RIC1: variants seen among roughly 807,000 people sequenced by gnomAD.
The protein encoded by RIC1 is guanine nucleotide exchange factor subunit RIC1.
In RIC1, 88 loss-of-function variants were observed where a neutral mutation model predicts 169.0. The observed-to-expected ratio is 0.52, with a 90% CI of 0.44 to 0.62. RIC1 has a LOEUF of 0.62. Ranked by LOEUF, RIC1 falls within the 20% of genes least tolerant of loss-of-function variation. The pLI, the probability that RIC1 is intolerant of heterozygous loss-of-function variation, is 0.00. For missense variants in RIC1, 1,877 were observed against 1,725.5 expected, an observed-to-expected ratio of 1.09 and a Z score of -1.56; for synonymous variants, 790 against 601.5, an observed-to-expected ratio of 1.31 and a Z score of -4.59.
intron 3 of RIC1, among the ~76,000 whole-genome samples, chr9:5,699,788 T>C (rs955763630): frequency 1.3e-5 from 2 of 152,180 alleles, no homozygotes; most frequent in East Asian, 3.8e-4. Flanking sequence ...AATTATATTA[T>C]TGGATTTCAT....
intron 16 of RIC1, 108 bp downstream of exon 16, chr9:5,756,480 G>T: frequency 1.4e-6 from 1 of 705,134 alleles, no homozygotes; most frequent in South Asian, 5.4e-5. Context: ...ATTCAATCTT[G>T]TTTTTGTTAG....
chr9:5,645,008 T>C (rs1453426023), intron 1 of RIC1, among the ~76,000 whole-genome samples: 1 of 152,372 alleles, frequency 6.6e-6, no homozygotes, highest in East Asian at 1.9e-4. Context: ...GCTTATTAGC[T>C]ATTTATATAT....
At chr9:5,694,317 A>G (rs1821764427) in intron 3 of RIC1, among the ~76,000 whole-genome samples, 1 of 152,180 alleles carries the variant, frequency 6.6e-6, no homozygotes, top group Non-Finnish European at 1.5e-5. Context: ...TCTTTTTGCT[A>G]ATATGTTGTG....
chr9:5,705,498 C>T (rs77003430), intron 3 of RIC1, among the ~76,000 whole-genome samples: 4,686 of 152,158 alleles, frequency 0.031, 104 homozygotes, highest in Middle Eastern at 0.1. Flanking sequence ...TGTACTACAG[C>T]TTTGATGAAT....
At chr9:5,776,798 G>A (rs1827614017), downstream of RIC1, among the ~76,000 whole-genome samples, 1 of 151,744 alleles carries the variant, frequency 6.6e-6, no homozygotes, top group East Asian at 1.9e-4. Flanking sequence ...ATATAATGAA[G>A]GAATGACAGA....
chr9:5,722,474 A>T (rs1418563092), intron 6 of RIC1, among the ~76,000 whole-genome samples: 1 of 151,958 alleles, frequency 6.6e-6, no homozygotes, highest in Non-Finnish European at 1.5e-5. Context: ...ATTTCTTCAC[A>T]TAAACTTTTC....
chr9:5,665,682 C>G (rs1819711319), intron 2 of RIC1, among the ~76,000 whole-genome samples: 2 of 152,150 alleles, frequency 1.3e-5, no homozygotes, highest in Admixed American at 1.3e-4. Context: ...TAACAGGCCA[C>G]TCTTCCATAG....
intron 2 of RIC1, among the ~76,000 whole-genome samples, chr9:5,658,064 A>G (rs896603483): frequency 7.2e-5 from 11 of 152,142 alleles, no homozygotes; most frequent in African/African-American, 2.7e-4. Flanking sequence ...GTAGTAACAC[A>G]GTTGTAACTT....
intron 3 of RIC1, among the ~76,000 whole-genome samples, chr9:5,709,637 A>G (rs913931913): frequency 6.6e-6 from 1 of 152,194 alleles, no homozygotes; most frequent in Non-Finnish European, 1.5e-5. Context: ...GCTTCAACTT[A>G]TTCTTCTAGC....
chr9:5,720,851 A>T (rs1487809910), intron 6 of RIC1, 101 bp downstream of exon 6: 2 of 1,100,636 alleles, frequency 1.8e-6, no homozygotes, highest in Non-Finnish European at 2.5e-6. Flanking sequence ...TAAGATTTTA[A>T]GGGTTGTTAA....
Position 5,715,680 on chromosome 9 carries a change from T to G in RIC1, c.440+1677T>G, listed in dbSNP as rs16923453. Reference sequence around the variant, plus strand: ...GGTAAGAGTACTATCTCATCTTTTATTTTTGATTTGAAGAAAAAATATTAA... The same window carrying G: ...GGTAAGAGTACTATCTCATCTTTTAGTTTTGATTTGAAGAAAAAATATTAA... On this transcript the variant is annotated intron_variant, in intron 4 of 25. Transcript: ENST00000414202. Among the ~76,000 whole-genome samples the G allele has an allele frequency of 6.0e-4, 91 of 152,360 alleles. 1 individual carries two copies. The East Asian group carries it at 0.017, about 29-fold the overall frequency.
At chr9:5,762,430 C>G (rs1459766785) in intron 17 of RIC1, 111 bp from the exon 18 acceptor site, 1 of 1,351,244 alleles carries the variant, frequency 7.4e-7, no homozygotes, top group East Asian at 2.4e-5. Context: ...ATAGTACAAC[C>G]TCAATAAATA....
chr9:5,651,932 C>T (rs1300959370), intron 1 of RIC1, among the ~76,000 whole-genome samples: 1 of 152,146 alleles, frequency 6.6e-6, no homozygotes, highest in Non-Finnish European at 1.5e-5. Flanking sequence ...CATTCTTTTG[C>T]ATGTGGCTAT....
intron 1 of RIC1, among the ~76,000 whole-genome samples, chr9:5,646,792 A>G (rs1818540080): frequency 6.6e-6 from 1 of 152,170 alleles, no homozygotes; most frequent in Non-Finnish European, 1.5e-5. Flanking sequence ...GTAGCCATTG[A>G]TGCACAGCAT....
intron 17 of RIC1, among the ~76,000 whole-genome samples, chr9:5,761,692 G>A (rs1826349853): frequency 1.3e-5 from 2 of 151,616 alleles, no homozygotes; most frequent in African/African-American, 4.9e-5. Flanking sequence ...ATAGCAGTAA[G>A]TTCTGTTTTT....
At position 5,768,950 on chromosome 9, in the gene RIC1, T is replaced by A; in HGVS notation, c.3138-20T>A. 1 of 1,588,670 alleles carries A rather than the reference T, an allele frequency of 6.3e-7. No homozygotes were observed. The highest frequency in any genetic ancestry group is 8.6e-7 in the Non-Finnish European group (1 of 1,169,376). On this transcript the variant is annotated intron_variant, in intron 21 of 25. Coordinates refer to ENST00000414202, the MANE Select transcript of RIC1 (RefSeq NM_020829.4). ...TCCAGTAAAGATTATTCTGTAGCTT[T>A]CTTGTGTTTCCACTTACAGATGGAG...
At chr9:5,633,225 T>A (rs1249050053) in intron 1 of RIC1, among the ~76,000 whole-genome samples, 1 of 152,206 alleles carries the variant, frequency 6.6e-6, no homozygotes, top group Non-Finnish European at 1.5e-5. Flanking sequence ...AAGCTTTGGA[T>A]CAGGTATGTG....
At chr9:5,687,687 C>G (rs1821334175) in intron 2 of RIC1, among the ~76,000 whole-genome samples, 1 of 152,094 alleles carries the variant, frequency 6.6e-6, no homozygotes, top group African/African-American at 2.4e-5. Flanking sequence ...ATATTATACA[C>G]ATTTTATTTT....
chr9:5,705,275 C>A (rs756139357), intron 3 of RIC1, among the ~76,000 whole-genome samples: 1 of 144,226 alleles, frequency 6.9e-6, no homozygotes, highest in African/African-American at 2.6e-5. Context: ...GAAGTATTAT[C>A]GTAACAATAT....
Sources: gnomAD v4.1 joint callset for allele counts (sites outside exome capture counted in the v4.1 genomes callset) on GRCh38, gnomAD v4.1.1 for gene constraint, MANE v1.5 for transcripts, NCBI Gene and HGNC (gene_info 2026-07-23, HGNC 2026-07-21) for gene names.